Variants in CSMD1 observed in about 807,000 individuals in gnomAD.
The protein encoded by CSMD1 is CUB and sushi domain-containing protein 1.
CSMD1 carries 213 observed loss-of-function variants against 417.5 expected under a neutral mutation model. That is an observed-to-expected ratio of 0.51 (90% CI 0.46 to 0.57). The LOEUF (loss-of-function observed/expected upper bound fraction) is 0.57, where lower values mean the gene tolerates loss of function less well. CSMD1 is among the 20% of genes least tolerant of loss of function. The pLI, the probability that CSMD1 is intolerant of heterozygous loss-of-function variation, is 0.00. For synonymous variants in CSMD1, 2,862 were observed against 1,736.8 expected (o/e 1.65, Z -16.11); for missense variants, 6,923 against 4,529.7 (o/e 1.53, Z -15.17).
At chr8:3,874,203 G>T (rs1388228029) in intron 5 of CSMD1, among the ~76,000 whole-genome samples, 1 of 152,136 alleles carries the variant, frequency 6.6e-6, no homozygotes, top group East Asian at 1.9e-4. Flanking sequence ...CCATGGAGAA[G>T]ACCTTCCTAA....
chr8:3,068,688 G>A (rs1813116739), intron 49 of CSMD1, among the ~76,000 whole-genome samples: 1 of 152,158 alleles, frequency 6.6e-6, no homozygotes, highest in Admixed American at 6.5e-5. Flanking sequence ...ACGGCCAGAA[G>A]AGGAGCAAGA....
intron 25 of CSMD1, among the ~76,000 whole-genome samples, chr8:3,293,742 A>C (rs374801838): frequency 8.5e-5 from 13 of 152,208 alleles, no homozygotes; most frequent in African/African-American, 3.1e-4. Context: ...TTTTTTTTAC[A>C]AGGTTTTTAA....
At chr8:4,955,995 G>A (rs2117307687) in intron 1 of CSMD1, among the ~76,000 whole-genome samples, 1 of 152,286 alleles carries the variant, frequency 6.6e-6, no homozygotes, top group East Asian at 1.9e-4. Flanking sequence ...GTATCTGAAG[G>A]ATTCTAGACA....
intron 6 of CSMD1, among the ~76,000 whole-genome samples, chr8:3,716,053 C>T (rs2129042769): frequency 6.6e-6 from 1 of 152,302 alleles, no homozygotes; most frequent in East Asian, 1.9e-4. Context: ...CGAATGTCCA[C>T]CCTCCTGTTC....
intron 6 of CSMD1, among the ~76,000 whole-genome samples, chr8:3,728,108 C>T (rs1033709877): frequency 6.6e-6 from 1 of 152,148 alleles, no homozygotes; most frequent in Non-Finnish European, 1.5e-5. Context: ...TTGTAGCTCC[C>T]ATAATTCCCA....
chr8:3,225,083 C>T (rs530345443), intron 27 of CSMD1, among the ~76,000 whole-genome samples: 8 of 152,198 alleles, frequency 5.3e-5, no homozygotes, highest in African/African-American at 1.9e-4. Flanking sequence ...CTGATTTTTC[C>T]CCTATACAAA....
At chr8:3,253,107 T>C (rs1174479832) in intron 26 of CSMD1, among the ~76,000 whole-genome samples, 2 of 152,330 alleles carry the variant, frequency 1.3e-5, no homozygotes, top group East Asian at 3.9e-4. Flanking sequence ...TCCAGTTCTT[T>C]TAATTGTGAT....
chr8:3,937,267 A>T (rs1252199086), intron 5 of CSMD1, among the ~76,000 whole-genome samples: 2 of 152,190 alleles, frequency 1.3e-5, no homozygotes, highest in Non-Finnish European at 2.9e-5. Context: ...GGGTTAGAGA[A>T]GACTGACTGA....
chr8:4,404,342 A>T (rs1315715344), intron 3 of CSMD1, among the ~76,000 whole-genome samples: 2 of 152,196 alleles, frequency 1.3e-5, no homozygotes, highest in East Asian at 3.9e-4. Flanking sequence ...ACTGGAATTA[A>T]GACCCATGAG....
intron 5 of CSMD1, among the ~76,000 whole-genome samples, chr8:3,982,678 G>A (rs898567275): frequency 6.6e-6 from 1 of 152,026 alleles, no homozygotes; most frequent in Non-Finnish European, 1.5e-5. Flanking sequence ...GACCAGGGTG[G>A]CGGACCGGAA....
intron 3 of CSMD1, among the ~76,000 whole-genome samples, chr8:4,079,815 A>G (rs965712464): frequency 6.6e-5 from 10 of 152,134 alleles, no homozygotes; most frequent in African/African-American, 1.9e-4. Context: ...GAGTGACATC[A>G]CGAGAGAAAA....
At chr8:4,854,868 G>C (rs1801701565) in intron 1 of CSMD1, among the ~76,000 whole-genome samples, 1 of 152,198 alleles carries the variant, frequency 6.6e-6, no homozygotes, top group Non-Finnish European at 1.5e-5. Context: ...GGCTTGCTTA[G>C]GTAAACAAAG....
chr8:3,468,622 G>T, intron 12 of CSMD1, 90 bp downstream of exon 12: 2 of 722,436 alleles, frequency 2.8e-6, no homozygotes, highest in Non-Finnish European at 2.3e-6. Context: ...TTGACTTGTT[G>T]ATTTTACTTC....
At chr8:3,537,442 T>C (rs886641525) in intron 10 of CSMD1, among the ~76,000 whole-genome samples, 3 of 152,216 alleles carry the variant, frequency 2.0e-5, no homozygotes, top group Non-Finnish European at 4.4e-5. Context: ...AAAATTGATA[T>C]GTTAGCTAAT....
At chr8:3,569,369 C>T (rs1164209467) in intron 10 of CSMD1, among the ~76,000 whole-genome samples, 2 of 152,102 alleles carry the variant, frequency 1.3e-5, no homozygotes. Flanking sequence ...ATAAACTGAC[C>T]ATGGCAGCAC....
intron 3 of CSMD1, among the ~76,000 whole-genome samples, chr8:4,268,496 G>C (rs111458257): frequency 1.1e-3 from 160 of 152,224 alleles, no homozygotes; most frequent in Non-Finnish European, 1.6e-3. Flanking sequence ...GTATTTTGTA[G>C]TATTTAGAGA....
chr8:3,468,462 TA>T lies in CSMD1; in HGVS notation c.1561+249del, dbSNP rs368290470. Among the ~76,000 whole-genome samples, 67 of 152,286 alleles carry T rather than the reference TA, an allele frequency of 4.4e-4. No homozygotes were observed. The East Asian group carries it at 0.011, about 25-fold the overall frequency. On this transcript the variant is annotated intron_variant, in intron 12 of 69. Transcript: ENST00000635120. ...ATGCCCACACTTCCTAGCTTACACC[TA>T]ATACTTCACCTCACTCTTTATTTTG...
At chr8:4,597,519 A>G (rs938041550) in intron 2 of CSMD1, among the ~76,000 whole-genome samples, 5 of 152,140 alleles carry the variant, frequency 3.3e-5, no homozygotes, top group Non-Finnish European at 5.9e-5. Flanking sequence ...CAGTTACTCT[A>G]TATCTTTCTA....
chr8:3,404,143 G>A (rs1350510863), intron 15 of CSMD1, among the ~76,000 whole-genome samples: 1 of 152,024 alleles, frequency 6.6e-6, no homozygotes, highest in Admixed American at 6.6e-5. Context: ...AGACCAGCCT[G>A]GCCAACATGT....
Sources: allele counts gnomAD v4.1 joint callset (sites outside exome capture counted in the v4.1 genomes callset), GRCh38; gene constraint gnomAD v4.1.1; transcripts MANE v1.5; gene names NCBI Gene and HGNC (gene_info 2026-07-23, HGNC 2026-07-21).